AGBL1: variants seen among roughly 807,000 people sequenced by gnomAD.
AGBL1 encodes cytosolic carboxypeptidase 4.
In AGBL1, 130 loss-of-function variants were observed where a neutral mutation model predicts 118.9. The ratio of observed to expected loss-of-function variants is 1.09; its 90% CI spans 0.95 to 1.26. The LOEUF (loss-of-function observed/expected upper bound fraction) is 1.26. AGBL1 is among the 50% of genes most tolerant of loss of function. The pLI is 0.00. For synonymous variants in AGBL1, 555 were observed against 478.9 expected (o/e 1.16, Z -2.08); for missense variants, 1,584 against 1,298.1 (o/e 1.22, Z -3.38).
chr15:86,974,543 T>TA (rs1796607176), intron 23 of AGBL1, among the ~76,000 whole-genome samples: 8 of 129,676 alleles, frequency 6.2e-5, no homozygotes, highest in Admixed American at 8.2e-5. Flanking sequence ...TATATAAAAA[T>TA]TATATAATTA....
chr15:86,840,130 CTAATT>C, intron 22 of AGBL1, among the ~76,000 whole-genome samples: 1 of 152,182 alleles, frequency 6.6e-6, no homozygotes. Context: ...ATTCTGAAAT[CTAATT>C]AATGTGAATT....
intron 5 of AGBL1, among the ~76,000 whole-genome samples, chr15:86,174,446 T>G (rs866766674): frequency 6.6e-6 from 1 of 152,280 alleles, no homozygotes; most frequent in South Asian, 2.1e-4. Context: ...TATTTCTTTC[T>G]CTTGCTAGAG....
intron 17 of AGBL1, among the ~76,000 whole-genome samples, chr15:86,355,230 T>C (rs2080694243): frequency 6.6e-6 from 1 of 152,234 alleles, no homozygotes; most frequent in Non-Finnish European, 1.5e-5. Context: ...CATATTCACA[T>C]ATTTATGTTT....
At chr15:86,698,726 T>C (rs2086305930) in intron 22 of AGBL1, among the ~76,000 whole-genome samples, 1 of 151,826 alleles carries the variant, frequency 6.6e-6, no homozygotes, top group Admixed American at 6.6e-5. Context: ...GCTGCAGTTT[T>C]TCTGGGATGC....
intron 6 of AGBL1, among the ~76,000 whole-genome samples, chr15:86,240,416 C>T (rs751598910): frequency 2.0e-5 from 3 of 152,172 alleles, no homozygotes; most frequent in African/African-American, 7.2e-5. Flanking sequence ...TCAGTGGTAT[C>T]GTATACTGTA....
chr15:86,548,935 G>C (rs1376516972), intron 20 of AGBL1, among the ~76,000 whole-genome samples: 1 of 152,102 alleles, frequency 6.6e-6, no homozygotes, highest in Non-Finnish European at 1.5e-5. Context: ...TGAAGGGGGA[G>C]CAGGCACTTC....
chr15:86,252,930 G>A (rs190796345), intron 7 of AGBL1, among the ~76,000 whole-genome samples: 10 of 152,296 alleles, frequency 6.6e-5, no homozygotes, highest in Admixed American at 2.6e-4. Flanking sequence ...AAGAATCACC[G>A]CAAAGAGAAG....
At chr15:86,390,651 T>C (rs1484136366) in intron 17 of AGBL1, among the ~76,000 whole-genome samples, 3 of 147,778 alleles carry the variant, frequency 2.0e-5, no homozygotes, top group South Asian at 2.1e-4. Context: ...AAAAGTTATA[T>C]ACTGTATGAT....
intron 22 of AGBL1, among the ~76,000 whole-genome samples, chr15:86,786,506 A>G (rs908577798): frequency 3.9e-5 from 6 of 152,230 alleles, no homozygotes. Context: ...AGACACATAC[A>G]TACTTAACTA....
chr15:86,340,581 C>T (rs147774940), intron 17 of AGBL1, among the ~76,000 whole-genome samples: 253 of 152,302 alleles, frequency 1.7e-3, no homozygotes, highest in Middle Eastern at 0.014. Flanking sequence ...CCTCTAGCAA[C>T]TTCAGAATGG....
chr15:86,431,718 G>GT (rs2081937777), intron 18 of AGBL1, among the ~76,000 whole-genome samples: 1 of 152,192 alleles, frequency 6.6e-6, no homozygotes. Context: ...TGAATACACT[G>GT]TATCAGCTTT....
At chr15:87,026,547 G>A (rs2081728556) in intron 24 of AGBL1, among the ~76,000 whole-genome samples, 1 of 152,036 alleles carries the variant, frequency 6.6e-6, no homozygotes, top group South Asian at 2.1e-4. Context: ...CACTGCTGGT[G>A]GGAATGTAAA....
chr15:86,218,684 C>A (rs953157082), intron 5 of AGBL1, among the ~76,000 whole-genome samples: 1 of 152,154 alleles, frequency 6.6e-6, no homozygotes, highest in Non-Finnish European at 1.5e-5. Context: ...GTTGGGGAAA[C>A]CCCCATTGCA....
chr15:86,657,274 A>G (rs1186453857), intron 21 of AGBL1, among the ~76,000 whole-genome samples: 2 of 152,154 alleles, frequency 1.3e-5, no homozygotes, highest in Non-Finnish European at 2.9e-5. Context: ...CTCCTGGCCA[A>G]TCAGTTTGCC....
chr15:86,945,254 A>G (rs1052875591), intron 23 of AGBL1, among the ~76,000 whole-genome samples: 5 of 151,476 alleles, frequency 3.3e-5, no homozygotes, highest in African/African-American at 1.2e-4. Context: ...TAAAAAAAAA[A>G]AAAAAAAAAA....
intron 21 of AGBL1, among the ~76,000 whole-genome samples, chr15:86,596,635 C>T (rs2084409730): frequency 6.6e-6 from 1 of 152,028 alleles, no homozygotes; most frequent in Admixed American, 6.6e-5. Flanking sequence ...CAACTATATT[C>T]AAGTCATCAT....
At chr15:86,793,170 A>G (rs1348539681) in intron 22 of AGBL1, among the ~76,000 whole-genome samples, 1 of 152,216 alleles carries the variant, frequency 6.6e-6, no homozygotes, top group Non-Finnish European at 1.5e-5. Flanking sequence ...ATAGACTATC[A>G]TTCATCCATC....
chr15:86,488,247 T>A (rs569841927), intron 18 of AGBL1, among the ~76,000 whole-genome samples: 12 of 152,026 alleles, frequency 7.9e-5, no homozygotes, highest in Non-Finnish European at 1.6e-4. Flanking sequence ...AGCTGGGAAG[T>A]CACCCGAAGA....
intron 24 of AGBL1, among the ~76,000 whole-genome samples, chr15:86,999,619 T>C (rs539414863): frequency 0.018 from 2,774 of 150,308 alleles, 101 homozygotes; most frequent in African/African-American, 0.065. Flanking sequence ...CTTAATCCAG[T>C]CTATCGTTGT....
Sources: allele counts gnomAD v4.1 joint callset (sites outside exome capture counted in the v4.1 genomes callset), GRCh38; gene constraint gnomAD v4.1.1; transcripts MANE v1.5; gene names NCBI Gene and HGNC (gene_info 2026-07-23, HGNC 2026-07-21).